The following NCAM2 variants were observed in gnomAD, a reference collection of about 807,000 sequenced individuals.
NCAM2 encodes the protein N-CAM-2.
A neutral mutation model predicts 98.1 loss-of-function variants in NCAM2; 30 were observed. The ratio of observed to expected loss-of-function variants is 0.31; its 90% CI spans 0.23 to 0.41. NCAM2 has a LOEUF of 0.41. Ranked by LOEUF, NCAM2 falls within the 10% of genes least tolerant of loss-of-function variation. The probability of loss-of-function intolerance (pLI) is 1.00; values close to 1 mark genes in which losing one functional copy is unlikely to be tolerated. For missense variants in NCAM2, 867 were observed against 1,005.8 expected (o/e 0.86, Z 1.87); for synonymous variants, 368 against 342.4 (o/e 1.07, Z -0.83).
intron 15 of NCAM2, among the ~76,000 whole-genome samples, chr21:21,497,856 AAAACATATATAAAT>A (rs1987354220): frequency 6.6e-6 from 1 of 152,172 alleles, no homozygotes; most frequent in Non-Finnish European, 1.5e-5. Context: ...CTGAGGATGT[AAAACATATATAAAT>A]AAGCATTAGC....
In NCAM2 at chr21:21,078,903, G is replaced by A. The variant is rs186055949; in HGVS notation, c.55+80285G>A. Among the ~76,000 whole-genome samples the A allele has an allele frequency of 7.8e-3, 1,185 of 152,260 alleles. 10 individuals are homozygous for A. The highest frequency in any genetic ancestry group is 0.013 in the Admixed American group (192 of 15,284). Reference sequence around the variant, plus strand: ...TTTTGCAGGGATATGGATGAAGCTGGAAGCTATCATCCTTAGCAAACTAAC... The same window carrying A: ...TTTTGCAGGGATATGGATGAAGCTGAAAGCTATCATCCTTAGCAAACTAAC... On this transcript the variant is annotated intron_variant, in intron 1 of 17. Transcript: ENST00000400546.
At chr21:21,063,210 C>CTTTTTTTTTTT (rs11325446) in intron 1 of NCAM2, among the ~76,000 whole-genome samples, 10 of 66,052 alleles carry the variant, frequency 1.5e-4, no homozygotes, top group South Asian at 7.4e-4. Context: ...TCTTTACATT[C>CTTTTTTTTTTT]TTTTTTTTTT....
At chr21:21,116,525 G>T (rs2066562674) in intron 1 of NCAM2, among the ~76,000 whole-genome samples, 1 of 152,124 alleles carries the variant, frequency 6.6e-6, no homozygotes. Flanking sequence ...CTTAACACCT[G>T]CTTGGTCCAT....
chr21:21,520,837 G>A (rs1988974941), intron 16 of NCAM2, among the ~76,000 whole-genome samples: 1 of 152,070 alleles, frequency 6.6e-6, no homozygotes, highest in Non-Finnish European at 1.5e-5. Context: ...TGATGAATTG[G>A]TAGAGGCTCG....
At chr21:21,085,096 T>C (rs2065882722) in intron 1 of NCAM2, among the ~76,000 whole-genome samples, 1 of 152,196 alleles carries the variant, frequency 6.6e-6, no homozygotes, top group South Asian at 2.1e-4. Context: ...TTGAATCTCT[T>C]TATTCAAAAT....
intron 11 of NCAM2, among the ~76,000 whole-genome samples, chr21:21,426,708 G>A (rs1418897291): frequency 1.3e-5 from 2 of 152,108 alleles, no homozygotes; most frequent in Non-Finnish European, 2.9e-5. Context: ...CATATCTGCA[G>A]AGCCTCTTGT....
intron 1 of NCAM2, among the ~76,000 whole-genome samples, chr21:21,054,807 C>CCT: frequency 6.6e-6 from 1 of 152,040 alleles, no homozygotes; most frequent in Admixed American, 6.5e-5. Context: ...CAGTGTGCTG[C>CCT]TTAAAACTAG....
chr21:21,519,457 A>G (rs1712202151), intron 16 of NCAM2, among the ~76,000 whole-genome samples: 1 of 152,062 alleles, frequency 6.6e-6, no homozygotes, highest in South Asian at 2.1e-4. Flanking sequence ...GATTGATTTT[A>G]TATTTGGATT....
At chr21:21,319,180 C>G (rs2147769752) in intron 5 of NCAM2, among the ~76,000 whole-genome samples, 1 of 152,152 alleles carries the variant, frequency 6.6e-6, no homozygotes, top group South Asian at 2.1e-4. Context: ...TGGTCTTACA[C>G]TGGTGTTTTC....
chr21:21,385,748 G>A (rs2076258403), intron 9 of NCAM2: 6 of 878,592 alleles, frequency 6.8e-6, no homozygotes, highest in East Asian at 6.4e-5. Context: ...AATGCAGTAA[G>A]CACTGGTTAC....
intron 17 of NCAM2, among the ~76,000 whole-genome samples, 184 bp from the exon 18 acceptor site, chr21:21,537,662 A>C (rs139351572): frequency 7.2e-5 from 11 of 152,182 alleles, no homozygotes; most frequent in African/African-American, 2.6e-4. Flanking sequence ...TATGTTAATA[A>C]ATTTAATTTT....
chr21:21,457,869 G>A (rs74728378), intron 12 of NCAM2, among the ~76,000 whole-genome samples: 2,588 of 152,200 alleles, frequency 0.017, 38 homozygotes, highest in South Asian at 0.046. Flanking sequence ...ACTTTTTACC[G>A]TATCCATTTT....
At chr21:21,255,058 A>G (rs932461376) in intron 1 of NCAM2, among the ~76,000 whole-genome samples, 3 of 152,062 alleles carry the variant, frequency 2.0e-5, no homozygotes, top group South Asian at 2.1e-4. Context: ...GATATCTTGG[A>G]TAGAATACAT....
intron 1 of NCAM2, among the ~76,000 whole-genome samples, chr21:21,039,441 G>T (rs1183352476): frequency 1.3e-5 from 2 of 152,144 alleles, no homozygotes; most frequent in Non-Finnish European, 2.9e-5. Context: ...CTAGAAGAAA[G>T]AACATGAAAT....
At chr21:21,378,176 T>A (rs778671466) in intron 9 of NCAM2, among the ~76,000 whole-genome samples, 1 of 19,190 alleles carries the variant, frequency 5.2e-5, no homozygotes, top group Non-Finnish European at 1.2e-4. Context: ...AGGTACAGAC[T>A]TTTTTTTTTT....
Position 21,292,087 on chromosome 21 carries a change from C to G in NCAM2, c.482-17C>G. The G allele has an allele frequency of 1.6e-5, 25 of 1,600,448 alleles. No individual in the cohort carries two copies. Among genetic ancestry groups the G allele is most frequent in the Non-Finnish European group, 2.1e-5 (25 of 1,173,854 alleles). The stretch of plus-strand genomic sequence containing the variant: ...TCAATTACTGATACCATTTTCTCCC[C>G]TTTGCTTTCTTTCCAGATCGGTTCG... On this transcript the variant is annotated splice_polypyrimidine_tract_variant and intron_variant, in intron 4 of 17. Coordinates refer to ENST00000400546, the MANE Select transcript of NCAM2 (RefSeq NM_004540.5).
chr21:21,467,097 A>G (rs564603610), intron 13 of NCAM2, among the ~76,000 whole-genome samples: 2 of 151,886 alleles, frequency 1.3e-5, no homozygotes, highest in Admixed American at 6.6e-5. Context: ...TGGAGGCCTG[A>G]CTATTGACCT....
chr21:21,054,198 A>G (rs1270227419), intron 1 of NCAM2, among the ~76,000 whole-genome samples: 1 of 151,998 alleles, frequency 6.6e-6, no homozygotes, highest in African/African-American at 2.4e-5. Flanking sequence ...TGATTGAATA[A>G]TCTGAATTAG....
At chr21:21,425,684 A>G (rs1224522685) in intron 11 of NCAM2, among the ~76,000 whole-genome samples, 1 of 152,186 alleles carries the variant, frequency 6.6e-6, no homozygotes, top group Non-Finnish European at 1.5e-5. Context: ...GAGATAGTGT[A>G]TCTATTTTGA....
Sources: gnomAD v4.1 joint callset for allele counts (sites outside exome capture counted in the v4.1 genomes callset) on GRCh38, gnomAD v4.1.1 for gene constraint, MANE v1.5 for transcripts, NCBI Gene and HGNC (gene_info 2026-07-23, HGNC 2026-07-21) for gene names.